NMNAT1: variants seen among roughly 807,000 people sequenced by gnomAD.
The protein encoded by NMNAT1 is nicotinamide/nicotinic acid mononucleotide adenylyltransferase 1.
In NMNAT1, 11 loss-of-function variants were observed where a neutral mutation model predicts 16.7. The ratio of observed to expected loss-of-function variants is 0.66; its 90% CI spans 0.41 to 1.09. The LOEUF is 1.09. Among genes scored for constraint, NMNAT1 ranks in the 50% least tolerant of loss-of-function variants. The pLI, the probability that NMNAT1 is intolerant of heterozygous loss-of-function variation, is 0.00. For missense variants in NMNAT1, 280 were observed against 332.3 expected (o/e 0.84, Z 1.22); for synonymous variants, 110 against 119.8 (o/e 0.92, Z 0.53).
chr1:9,943,829 A>T (rs908528604), intron 1 of NMNAT1, among the ~76,000 whole-genome samples: 26 of 152,210 alleles, frequency 1.7e-4, no homozygotes, highest in Admixed American at 1.2e-3. Context: ...GAAATCCTTC[A>T]TTCCGAACGA....
rs1442229295 is a variant in NMNAT1 at position 9,947,797 on chromosome 1, C to G, written c.-57+4282C>G. The stretch of plus-strand genomic sequence containing the variant: ...TTTGCTACCACCATCAGGGCCAGGT[C>G]AGCATCACCTGTCACCTGGATTATT... On this transcript the variant is annotated intron_variant, in intron 1 of 4. Transcript: ENST00000377205. Among the ~76,000 whole-genome samples, 5 of 152,302 alleles carry G rather than the reference C, an allele frequency of 3.3e-5. No homozygotes were observed. In the South Asian group the frequency reaches 8.3e-4, roughly 25 times the overall value.
chr1:9,982,713 C>T lies in NMNAT1; in HGVS notation c.*12C>T. The T allele has an allele frequency of 1.2e-5, 19 of 1,572,750 alleles. No homozygotes were observed. The highest frequency in any genetic ancestry group is 1.6e-5 in the Non-Finnish European group (19 of 1,159,710). ...AAGCTAAGACATAGGAATTCTACAG[C>T]ATGATATTTCAGACTTCCCATTTGG... On this transcript the variant is annotated 3_prime_UTR_variant, in exon 5 of 5. Coordinates refer to ENST00000377205, the MANE Select transcript of NMNAT1 (RefSeq NM_022787.4).
the NMNAT1 span, among the ~76,000 whole-genome samples, chr1:9,993,756 T>C: frequency 6.6e-6 from 1 of 152,168 alleles, no homozygotes. Flanking sequence ...ACAAATCTAC[T>C]GGATTCTTAG....
chr1:9,974,980 G>T (rs1244768858), intron 2 of NMNAT1, among the ~76,000 whole-genome samples: 1 of 152,092 alleles, frequency 6.6e-6, no homozygotes, highest in Non-Finnish European at 1.5e-5. Context: ...AAGTAATTTG[G>T]CAATATCAAT....
At chr1:9,982,149 C>T in intron 4 of NMNAT1, 152 bp from the exon 5 acceptor site, 1 of 1,007,238 alleles carries the variant, frequency 9.9e-7, no homozygotes. Flanking sequence ...AGGCTAGAGC[C>T]ACCGCACTCG....
At chr1:9,970,678 G>T (rs1186718575) in intron 1 of NMNAT1, among the ~76,000 whole-genome samples, 1 of 148,230 alleles carries the variant, frequency 6.7e-6, no homozygotes, top group African/African-American at 2.5e-5. Context: ...AACAGAGTGA[G>T]ACTCCCGTCT....
At chr1:9,980,391 G>A (rs1056795912) in intron 3 of NMNAT1, among the ~76,000 whole-genome samples, 7 of 151,276 alleles carry the variant, frequency 4.6e-5, no homozygotes, top group African/African-American at 1.7e-4. Context: ...GGCTGAGGCG[G>A]GCAGATCGCT....
chr1:9,944,479 G>C (rs926165444), intron 1 of NMNAT1, among the ~76,000 whole-genome samples: 1 of 152,116 alleles, frequency 6.6e-6, no homozygotes, highest in African/African-American at 2.4e-5. Flanking sequence ...CAACATCAGT[G>C]TTCATGGTAG....
intron 1 of NMNAT1, among the ~76,000 whole-genome samples, chr1:9,949,362 T>C (rs1158606357): frequency 6.7e-6 from 1 of 149,906 alleles, no homozygotes; most frequent in Non-Finnish European, 1.5e-5. Context: ...ATTGTTATAA[T>C]CTATAAGGGG....
At chr1:9,991,898 A>G in the NMNAT1 span, among the ~76,000 whole-genome samples, 1 of 146,948 alleles carries the variant, frequency 6.8e-6, no homozygotes, top group Middle Eastern at 3.5e-3. Flanking sequence ...AAATAAGACG[A>G]AAAAAAAAAG....
At chr1:9,976,993 G>A (rs1395724612) in intron 3 of NMNAT1, among the ~76,000 whole-genome samples, 2 of 150,906 alleles carry the variant, frequency 1.3e-5, no homozygotes, top group Admixed American at 6.6e-5. Context: ...TGCAACCTCT[G>A]CCTCCCGGGT....
intron 1 of NMNAT1, among the ~76,000 whole-genome samples, chr1:9,952,694 C>G (rs929625927): frequency 6.6e-5 from 10 of 151,976 alleles, no homozygotes; most frequent in African/African-American, 9.7e-5. Flanking sequence ...TGCACCACCA[C>G]TTCTGGGTAA....
chr1:9,953,278 C>CTT (rs35129856), intron 1 of NMNAT1, among the ~76,000 whole-genome samples: 1,735 of 122,728 alleles, frequency 0.014, 48 homozygotes, highest in African/African-American at 0.049. Context: ...TGTGCGCGGG[C>CTT]TTTTTTTTTT....
At chr1:9,965,482 C>T (rs577070076) in intron 1 of NMNAT1, among the ~76,000 whole-genome samples, 3 of 151,896 alleles carry the variant, frequency 2.0e-5, no homozygotes, top group East Asian at 3.9e-4. Context: ...CGGCTCACTG[C>T]AACCCCTGCC....
intron 1 of NMNAT1, among the ~76,000 whole-genome samples, chr1:9,968,070 T>G (rs925488162): frequency 5.5e-5 from 6 of 108,410 alleles, no homozygotes; most frequent in African/African-American, 1.7e-4. Context: ...CAAATGTAGT[T>G]TTTTTTTTTG....
the NMNAT1 span, among the ~76,000 whole-genome samples, chr1:9,995,268 A>G: frequency 1.3e-5 from 2 of 152,162 alleles, no homozygotes; most frequent in East Asian, 3.9e-4. Context: ...GCATGGTGGC[A>G]CATGCCTGTA....
intron 1 of NMNAT1, among the ~76,000 whole-genome samples, chr1:9,949,161 G>A (rs150358694): frequency 0.016 from 2,394 of 150,874 alleles, 60 homozygotes; most frequent in African/African-American, 0.053. Flanking sequence ...TCCCAGCTAC[G>A]TGGGAGGCTG....
intron 1 of NMNAT1, chr1:9,955,986 A>C (rs562499014): frequency 1.3e-4 from 20 of 152,128 alleles, no homozygotes; most frequent in Admixed American, 3.9e-4. Flanking sequence ...GAAGGCACTA[A>C]TCCTTGAACT....
At chr1:9,961,495 G>A (rs770032188) in intron 1 of NMNAT1, among the ~76,000 whole-genome samples, 10 of 152,042 alleles carry the variant, frequency 6.6e-5, no homozygotes, top group Non-Finnish European at 1.5e-4. Flanking sequence ...TGGGCATGTC[G>A]CATTCATCAC....
Sources: gnomAD v4.1 joint callset for allele counts (sites outside exome capture counted in the v4.1 genomes callset) on GRCh38, gnomAD v4.1.1 for gene constraint, MANE v1.5 for transcripts, NCBI Gene and HGNC (gene_info 2026-07-23, HGNC 2026-07-21) for gene names.